The following NIBAN3 variants were observed in gnomAD, a reference collection of about 807,000 sequenced individuals.
The protein encoded by NIBAN3 is niban apoptosis regulator 3, also known as protein Niban 3.
A neutral mutation model predicts 76.4 loss-of-function variants in NIBAN3; 66 were observed. The observed-to-expected ratio is 0.86, with a 90% CI of 0.71 to 1.06. The LOEUF (loss-of-function observed/expected upper bound fraction) is 1.06. Among genes scored for constraint, NIBAN3 ranks in the 50% least tolerant of loss-of-function variants. The pLI is 0.00. For missense variants in NIBAN3, 808 were observed against 810.7 expected (o/e 1.00, Z 0.04); for synonymous variants, 360 against 355.2 (o/e 1.01, Z -0.15).
chr19:17,530,692 T>G, intron 1 of NIBAN3, 63 bp from the exon 2 acceptor site: 1 of 1,507,228 alleles, frequency 6.6e-7, no homozygotes, highest in East Asian at 2.4e-5. Context: ...TGTTTTGCCC[T>G]CCCCAAGCAG....
At chr19:17,551,447 A>T (rs1283849615) in intron 14 of NIBAN3, among the ~76,000 whole-genome samples, 1 of 144,812 alleles carries the variant, frequency 6.9e-6, no homozygotes, top group African/African-American at 2.6e-5. Context: ...CGCTCTTGTC[A>T]CCCGGGCTGG....
chr19:17,537,483 A>C lies in NIBAN3; in HGVS notation c.535A>C (p.Arg179=). The C allele has an allele frequency of 6.2e-7, 1 of 1,612,896 alleles. No homozygotes were observed. The highest frequency in any genetic ancestry group is 8.5e-7 in the Non-Finnish European group (1 of 1,179,968). ...RRHLCFSAAT[R]EAQHAWRLAL... ...GCACCTCTGCTTCTCTGCAGCCACC[A>C]GGGAGGCACAGCATGCCTGGAGGCT... is the stretch of plus-strand genomic sequence containing the variant. Residue 179 remains arginine, a synonymous_variant, in exon 5 of 15, where the codon AGG becomes CGG. Transcript: ENST00000599164.
At chr19:17,531,200 AC>A (rs1314006432) in intron 2 of NIBAN3, among the ~76,000 whole-genome samples, 3 of 151,700 alleles carry the variant, frequency 2.0e-5, no homozygotes, top group Non-Finnish European at 2.9e-5. Flanking sequence ...TGTAGCGCGC[AC>A]CTGTAGTCCC....
chr19:17,550,438 A>G (rs928138028), intron 14 of NIBAN3, among the ~76,000 whole-genome samples: 1 of 152,112 alleles, frequency 6.6e-6, no homozygotes, highest in African/African-American at 2.4e-5. Flanking sequence ...AGGCCAAGAT[A>G]GGTGGATTGC....
At chr19:17,529,857 T>TG (rs2075680644) in intron 1 of NIBAN3, among the ~76,000 whole-genome samples, 1 of 151,994 alleles carries the variant, frequency 6.6e-6, no homozygotes, top group Admixed American at 6.6e-5. Context: ...GCCAGGAGTT[T>TG]GAGACCAGCC....
At chr19:17,533,334 T>G in intron 3 of NIBAN3, 1 of 374,218 alleles carries the variant, frequency 2.7e-6, no homozygotes, top group East Asian at 5.0e-5. Context: ...CACTTGAACT[T>G]GGGAGGTGGA....
At chr19:17,541,030 T>C (rs975006870) in intron 9 of NIBAN3, among the ~76,000 whole-genome samples, 8 of 152,038 alleles carry the variant, frequency 5.3e-5, no homozygotes, top group East Asian at 1.9e-4. Flanking sequence ...GCCACCGCAC[T>C]GGCCATGGAA....
In NIBAN3 at chr19:17,542,326, G is replaced by A. The variant is rs1415481263; in HGVS notation, c.1329+32G>A. On this transcript the variant is annotated intron_variant, in intron 10 of 14. Transcript: ENST00000599164. The surrounding 1 kb of genome is among the most constrained non-coding windows in gnomAD (Gnocchi z 4.8). ...GTGAGAGGAGGCTGGGATGAGGCCA[G>A]GCTGTGAAGACAGCCTCCACTGACC... 1 of 1,568,124 alleles carries A rather than the reference G, an allele frequency of 6.4e-7. No individual in the cohort carries two copies. The highest frequency in any genetic ancestry group is 8.6e-7 in the Non-Finnish European group (1 of 1,158,610).
rs1366781240 is a variant in NIBAN3, at chr19:17,539,443, T to C, written c.808T>C (p.Trp270Arg). ...GGCAGGCCGCGCCCGCGCCTGGGCC[T>C]GGACCGAGGTATGCACGGCGTCCGG... Reference protein sequence around the residue: ...RGAGRARAWAWTELLDAVHAA... With the variant: ...RGAGRARAWARTELLDAVHAA... The change falls in exon 7 of 15, where the codon TGG (tryptophan) becomes CGG (arginine). Residue 270 changes from tryptophan to arginine, a missense_variant. By Grantham distance (101) the Trp-to-Arg change is moderately radical. Coordinates refer to ENST00000599164, the MANE Select transcript of NIBAN3 (RefSeq NM_001321827.2). 1.3e-6 allele frequency: 2 copies of C among 1,483,384 alleles called. No homozygotes were observed. The highest frequency in any genetic ancestry group is 2.8e-5 in the African/African-American group (2 of 70,268). The allele number at this position is 1,483,384 out of a possible 1,614,324, so 91.9% of individuals were successfully genotyped here. A position where few individuals can be genotyped will look rare whatever the true frequency, so the allele number is the denominator to read the frequency against.
Position 17,543,589 on chromosome 19 carries a change from T to C in NIBAN3, c.1512T>C (p.Phe504=). ...TCCGAGGCTGGGGTCTCTGCATCTT[T>C]TTACCTTTTGTGCTGAGCCAACTCG... ...RFIRGWGLCI[F]LPFVLSQLEP... Residue 504 remains phenylalanine (F), a synonymous_variant, in exon 12 of 15, where the codon TTT becomes TTC. Transcript: ENST00000599164. 6.2e-7 allele frequency: 1 copy of C among 1,614,130 alleles called. No individual in the cohort carries two copies. Among genetic ancestry groups the C allele is most frequent in the Non-Finnish European group, 8.5e-7 (1 of 1,180,006 alleles).
intron 9 of NIBAN3, 27 bp downstream of exon 9, chr19:17,540,609 T>A: frequency 7.1e-7 from 1 of 1,416,578 alleles, no homozygotes; most frequent in Non-Finnish European, 9.3e-7. Flanking sequence ...AGGGGTTCAG[T>A]GAGCCAGAGG....
chr19:17,551,243 CCA>C (rs929969253), intron 14 of NIBAN3, among the ~76,000 whole-genome samples: 3 of 151,458 alleles, frequency 2.0e-5, no homozygotes, highest in Non-Finnish European at 4.4e-5. Context: ...TTACAGGCGT[CCA>C]CCACCACGCC....
At chr19:17,533,557 C>A in intron 3 of NIBAN3, 30 bp from the exon 4 acceptor site, 1 of 1,504,994 alleles carries the variant, frequency 6.6e-7, no homozygotes, top group Non-Finnish European at 9.3e-7. Flanking sequence ...CAGACCTGTC[C>A]CAGGTTGGTT....
intron 5 of NIBAN3, among the ~76,000 whole-genome samples, chr19:17,538,343 G>A (rs1013399241): frequency 2.0e-5 from 3 of 151,514 alleles, no homozygotes; most frequent in Non-Finnish European, 4.4e-5. Context: ...ATGAACCCAG[G>A]AGGTGGAGCT....
Position 17,534,919 on chromosome 19 carries a change from A to G in NIBAN3, c.427+1218A>G, listed in dbSNP as rs12327554. ...TAAAGTCTGCCCAGCAGGCAGGCCC[A>G]TCACTAACTACCCCATTTCACAGAT... On this transcript the variant is annotated intron_variant, in intron 4 of 14. Transcript: ENST00000599164. Among the ~76,000 whole-genome samples, 329 of 152,298 alleles carry G rather than the reference A, an allele frequency of 2.2e-3. 2 individuals are homozygous for G. Among genetic ancestry groups the G allele is most frequent in the African/African-American group, 7.4e-3 (309 of 41,574 alleles).
rs2076167127 is a variant in NIBAN3, at chr19:17,552,096, T to TG, written c.*199dup. The TG allele has an allele frequency of 2.7e-6, 1 of 365,902 alleles. No individual in the cohort carries two copies. Among genetic ancestry groups the TG allele is most frequent in the African/African-American group, 2.1e-5 (1 of 46,860 alleles). The allele number at this position is 365,902 out of a possible 1,614,324, so 22.7% of individuals were successfully genotyped here. On this transcript the variant is annotated 3_prime_UTR_variant, in exon 15 of 15. Coordinates refer to ENST00000599164, the MANE Select transcript of NIBAN3 (RefSeq NM_001321827.2). ...TTTATTTTAATTTTTTTTTTTTTTT[T>TG]GAGACTGAGTCTTGCTCTGTCACCC...
intron 11 of NIBAN3, 41 bp downstream of exon 11, chr19:17,543,474 G>A: frequency 6.2e-7 from 1 of 1,610,690 alleles, no homozygotes; most frequent in Non-Finnish European, 8.5e-7. Flanking sequence ...GTGGCAGTGG[G>A]CCTGGGTGCT....
At chr19:17,548,668 G>A (rs1416842600) in intron 13 of NIBAN3, among the ~76,000 whole-genome samples, 3 of 152,210 alleles carry the variant, frequency 2.0e-5, no homozygotes, top group Admixed American at 2.0e-4. Flanking sequence ...GCTCACGCCT[G>A]TAAACCCAGC....
intron 5 of NIBAN3, among the ~76,000 whole-genome samples, chr19:17,538,695 AAAAGAAAAG>A (rs1203559978): frequency 9.3e-6 from 1 of 107,852 alleles, no homozygotes; most frequent in Non-Finnish European, 2.3e-5. Context: ...AAAGGAAAGA[AAAAGAAAAG>A]AAAGGAGAAA....
Sources: allele counts gnomAD v4.1 joint callset (sites outside exome capture counted in the v4.1 genomes callset), GRCh38; gene constraint gnomAD v4.1.1; non-coding constraint Gnocchi (gnomAD v3.1); transcripts MANE v1.5; gene names NCBI Gene and HGNC (gene_info 2026-07-23, HGNC 2026-07-21).